Variants in IL18R1 observed in about 807,000 individuals in gnomAD.
IL18R1 encodes the protein interleukin-18 receptor 1.
In IL18R1, 40 loss-of-function variants were observed where a neutral mutation model predicts 48.5. The ratio of observed to expected loss-of-function variants is 0.82; its 90% CI spans 0.64 to 1.07. The LOEUF (loss-of-function observed/expected upper bound fraction) is 1.07, where lower values mean the gene tolerates loss of function less well. IL18R1 is among the 50% of genes least tolerant of loss of function. The probability of loss-of-function intolerance (pLI) is 0.00; values close to 1 mark genes in which losing one functional copy is unlikely to be tolerated. For synonymous variants in IL18R1, 232 were observed against 225.9 expected, an observed-to-expected ratio of 1.03 and a Z score of -0.24; for missense variants, 596 against 633.7, an observed-to-expected ratio of 0.94 and a Z score of 0.64.
chr2:102,387,114 A>ACTG, intron 8 of IL18R1, 114 bp downstream of exon 8: 1 of 1,109,438 alleles, frequency 9.0e-7, no homozygotes, highest in Non-Finnish European at 1.3e-6. Context: ...CTGAGAGGGG[A>ACTG]AATCAGTCAC....
intron 5 of IL18R1, among the ~76,000 whole-genome samples, chr2:102,381,227 G>A (rs1203046035): frequency 6.6e-6 from 1 of 152,220 alleles, no homozygotes; most frequent in Non-Finnish European, 1.5e-5. Flanking sequence ...TTCTCAACCT[G>A]TCTTGGCCCT....
intron 3 of IL18R1, 49 bp from the exon 4 acceptor site, chr2:102,371,904 G>A: frequency 9.1e-7 from 1 of 1,100,288 alleles, no homozygotes; most frequent in Non-Finnish European, 1.3e-6. Context: ...GGTGATATTT[G>A]CAAAGTTTCT....
intron 2 of IL18R1, 96 bp from the exon 3 acceptor site, chr2:102,367,729 C>T: frequency 2.9e-6 from 3 of 1,021,836 alleles, no homozygotes; most frequent in Non-Finnish European, 4.2e-6. Flanking sequence ...TCTTGCTAAC[C>T]TTGCTTCTTC....
rs1483154947 is a variant in IL18R1 at position 102,386,936 on chromosome 2, A to G, written c.885A>G (p.Leu295=). The change falls in exon 8 of 11, where the codon TTA becomes TTG. Residue 295 remains leucine, a synonymous_variant. Transcript: ENST00000233957. ...TTGGTGAAAGCAATCTAAATGTTTT[A>G]TATAATTGCACTGTGGCCAGCACGG... ...ENIGESNLNV[L]YNCTVASTGG... is the part of the protein sequence containing the mutation. The G allele has an allele frequency of 6.2e-7, 1 of 1,613,972 alleles. No homozygotes were observed. The highest frequency in any genetic ancestry group is 1.1e-5 in the South Asian group (1 of 91,080).
At chr2:102,389,802 A>G (rs1334233767) in intron 8 of IL18R1, among the ~76,000 whole-genome samples, 2 of 152,340 alleles carry the variant, frequency 1.3e-5, no homozygotes, top group Admixed American at 1.3e-4. Context: ...GATAGAATAC[A>G]TTACTGTGTA....
intron 5 of IL18R1, among the ~76,000 whole-genome samples, chr2:102,377,537 C>T (rs1010733071): frequency 3.9e-5 from 6 of 152,168 alleles, no homozygotes; most frequent in Non-Finnish European, 7.3e-5. Context: ...AGGATGGTCT[C>T]GATCTCCTGA....
At chr2:102,363,763 G>A (rs11465572) in intron 2 of IL18R1, among the ~76,000 whole-genome samples, 2 of 152,134 alleles carry the variant, frequency 1.3e-5, no homozygotes, top group East Asian at 1.9e-4. Context: ...ACATGACAAT[G>A]TTCTACATGT....
intron 4 of IL18R1, among the ~76,000 whole-genome samples, chr2:102,374,402 C>A (rs887575261): frequency 1.3e-5 from 2 of 152,108 alleles, no homozygotes; most frequent in African/African-American, 4.8e-5. Context: ...CGAATCAGTC[C>A]TGAGTTGACT....
intron 5 of IL18R1, among the ~76,000 whole-genome samples, chr2:102,380,275 A>T (rs1679841886): frequency 6.6e-6 from 1 of 152,136 alleles, no homozygotes; most frequent in African/African-American, 2.4e-5. Context: ...ATTTCCAATG[A>T]TATAATTTGA....
At chr2:102,376,793 G>T (rs1246138893) in intron 5 of IL18R1, among the ~76,000 whole-genome samples, 1 of 152,192 alleles carries the variant, frequency 6.6e-6, no homozygotes, top group Admixed American at 6.5e-5. Flanking sequence ...TCATCATAAG[G>T]CACAGCCAAT....
At chr2:102,377,912 C>T (rs1452212619) in intron 5 of IL18R1, among the ~76,000 whole-genome samples, 2 of 152,218 alleles carry the variant, frequency 1.3e-5, no homozygotes, top group Non-Finnish European at 1.5e-5. Flanking sequence ...TGGGAAACTT[C>T]AGGGTCTATT....
chr2:102,371,066 G>GTTTT (rs1182359974), intron 3 of IL18R1, among the ~76,000 whole-genome samples: 1 of 151,392 alleles, frequency 6.6e-6, no homozygotes, highest in Admixed American at 6.6e-5. Context: ...TGTTGTTGTT[G>GTTTT]TTTTTTTGAG....
At chr2:102,364,315 G>A (rs995009407) in intron 2 of IL18R1, among the ~76,000 whole-genome samples, 38 of 152,148 alleles carry the variant, frequency 2.5e-4, no homozygotes, top group African/African-American at 7.2e-4. Flanking sequence ...GATAAATTGC[G>A]AAATGGTAAC....
chr2:102,392,844 T>C (rs901331875), intron 9 of IL18R1, among the ~76,000 whole-genome samples: 8 of 152,174 alleles, frequency 5.3e-5, no homozygotes, highest in Admixed American at 5.2e-4. Flanking sequence ...AATAAAAACA[T>C]TACCATTAGT....
chr2:102,361,033 G>A (rs1221822337), intron 1 of IL18R1, among the ~76,000 whole-genome samples: 2 of 152,106 alleles, frequency 1.3e-5, no homozygotes, highest in South Asian at 2.1e-4. Context: ...ATCTTAATAT[G>A]TTTCATATTG....
chr2:102,366,191 C>G (rs1271373556), intron 2 of IL18R1, among the ~76,000 whole-genome samples: 2 of 152,200 alleles, frequency 1.3e-5, no homozygotes, highest in African/African-American at 2.4e-5. Flanking sequence ...CTCTTATGCT[C>G]TGTCACCTCT....
chr2:102,386,777 G>A, intron 7 of IL18R1, 84 bp from the exon 8 acceptor site: 2 of 1,361,992 alleles, frequency 1.5e-6, no homozygotes, highest in South Asian at 1.2e-5. Context: ...CATCACAGCT[G>A]CCTTCAAGCA....
intron 4 of IL18R1, 75 bp from the exon 5 acceptor site, chr2:102,375,832 A>T: frequency 2.1e-6 from 2 of 975,264 alleles, no homozygotes; most frequent in Non-Finnish European, 2.8e-6. Flanking sequence ...AAGATCTTTA[A>T]CTCAAAAATT....
intron 3 of IL18R1, among the ~76,000 whole-genome samples, chr2:102,369,019 G>A (rs764235479): frequency 6.6e-6 from 1 of 152,026 alleles, no homozygotes; most frequent in Non-Finnish European, 1.5e-5. Context: ...GAACTCCCAG[G>A]CATCAGAAAA....
Sources: allele counts gnomAD v4.1 joint callset (sites outside exome capture counted in the v4.1 genomes callset), GRCh38; gene constraint gnomAD v4.1.1; transcripts MANE v1.5; gene names NCBI Gene and HGNC (gene_info 2026-07-23, HGNC 2026-07-21).